The following SHTN1 variants were observed in gnomAD, a reference collection of about 807,000 sequenced individuals.
SHTN1 encodes the protein shootin 1.
SHTN1 carries 42 observed loss-of-function variants against 83.1 expected under a neutral mutation model. The observed-to-expected ratio is 0.51, with a 90% confidence interval of 0.39 to 0.65. SHTN1 has a LOEUF of 0.65. SHTN1 is among the 30% of genes least tolerant of loss of function. SHTN1 has a pLI of 0.00. For synonymous variants in SHTN1, 224 were observed against 247.7 expected (o/e 0.90, Z 0.90); for missense variants, 622 against 737.8 (o/e 0.84, Z 1.82).
At chr10:116,976,593 A>T (rs575098451) in intron 2 of SHTN1, among the ~76,000 whole-genome samples, 1 of 152,332 alleles carries the variant, frequency 6.6e-6, no homozygotes, top group African/African-American at 2.4e-5. Flanking sequence ...TCAACTGGAC[A>T]AAGCTCACCC....
intron 1 of SHTN1, among the ~76,000 whole-genome samples, chr10:117,092,808 G>C (rs775479449): frequency 6.6e-6 from 1 of 152,196 alleles, no homozygotes; most frequent in Non-Finnish European, 1.5e-5. Flanking sequence ...AGATAAGGGA[G>C]AGACTGAGGC....
chr10:117,081,765 A>AG (rs1174719638), intron 1 of SHTN1, among the ~76,000 whole-genome samples: 51 of 149,086 alleles, frequency 3.4e-4, no homozygotes, highest in Non-Finnish European at 6.5e-4. Context: ...TAGTCTTGGG[A>AG]GAGTGTATGT....
intron 1 of SHTN1, among the ~76,000 whole-genome samples, chr10:117,097,054 C>CACAG (rs1853514151): frequency 6.6e-6 from 1 of 152,076 alleles, no homozygotes; most frequent in East Asian, 1.9e-4. Context: ...CACACACACA[C>CACAG]ACACACACAA....
chr10:117,098,823 G>A (rs1337219799), intron 1 of SHTN1, among the ~76,000 whole-genome samples: 4 of 152,104 alleles, frequency 2.6e-5, no homozygotes, highest in Non-Finnish European at 5.9e-5. Context: ...CACAATTTGT[G>A]TTCCATCACG....
intron 1 of SHTN1, among the ~76,000 whole-genome samples, chr10:117,091,045 C>G (rs1312829835): frequency 1.3e-5 from 2 of 152,134 alleles, no homozygotes; most frequent in Admixed American, 1.3e-4. Flanking sequence ...AAATTATCCT[C>G]TGGAAGAGAA....
intron 2 of SHTN1, among the ~76,000 whole-genome samples, chr10:117,047,190 G>C (rs1167176652): frequency 6.6e-6 from 1 of 152,060 alleles, no homozygotes; most frequent in African/African-American, 2.4e-5. Context: ...TTAGCTTCCT[G>C]AGTAGCTGGG....
chr10:116,988,379 C>G (rs1589873010), intron 1 of SHTN1, among the ~76,000 whole-genome samples: 1 of 151,534 alleles, frequency 6.6e-6, no homozygotes, highest in East Asian at 1.9e-4. Flanking sequence ...GGAATCAAGC[C>G]TAAAGGATCT....
chr10:117,016,569 G>A (rs1185481939), intron 2 of SHTN1, among the ~76,000 whole-genome samples: 2 of 152,084 alleles, frequency 1.3e-5, no homozygotes, highest in Non-Finnish European at 1.5e-5. Flanking sequence ...ACCACGCCCG[G>A]CTACTTTTTG....
intron 1 of SHTN1, among the ~76,000 whole-genome samples, chr10:117,050,398 G>C (rs10787746): frequency 0.65 from 98,900 of 151,988 alleles, 35,999 homozygotes; most frequent in Middle Eastern, 0.84. Flanking sequence ...GAAATTCTTT[G>C]AGATGAATGA....
intron 1 of SHTN1, among the ~76,000 whole-genome samples, chr10:117,097,969 A>G (rs1427514104): frequency 6.6e-6 from 1 of 152,066 alleles, no homozygotes; most frequent in African/African-American, 2.4e-5. Context: ...AACAGTGGCA[A>G]ATGCTTCACG....
At chr10:117,096,692 C>T (rs531352753) in intron 1 of SHTN1, among the ~76,000 whole-genome samples, 32 of 152,206 alleles carry the variant, frequency 2.1e-4, no homozygotes, top group Middle Eastern at 6.8e-3. Context: ...TACAGAAGGC[C>T]CCTATTTAAA....
chr10:116,896,768 G>C (rs1589782787), intron 16 of SHTN1, among the ~76,000 whole-genome samples: 1 of 150,324 alleles, frequency 6.7e-6, no homozygotes, highest in East Asian at 2.0e-4. Flanking sequence ...AGGTGGGAAA[G>C]ACTGCCCAAT....
chr10:117,050,882 G>T (rs540758574), intron 1 of SHTN1, among the ~76,000 whole-genome samples: 1 of 151,998 alleles, frequency 6.6e-6, no homozygotes, highest in African/African-American at 2.4e-5. Flanking sequence ...GTAAGACTTC[G>T]TCTCTACAAA....
chr10:116,952,041 C>G, intron 5 of SHTN1, 35 bp from the exon 6 acceptor site: 1 of 1,103,294 alleles, frequency 9.1e-7, no homozygotes, highest in Non-Finnish European at 1.2e-6. Context: ...TATAAATAAA[C>G]TTATTTTTAA....
rs61540184 is a variant in SHTN1 at position 116,969,323 on chromosome 10, C to A, written c.112-611G>T. On this transcript the variant is annotated intron_variant, in intron 2 of 16. Coordinates refer to ENST00000355371, the MANE Select transcript of SHTN1 (RefSeq NM_001127211.3). ...AGGCGTGGTGGTGCGCACCTGTAAT[C>A]CCAGCTACTCGGGAGGCTGAGGCAG... is the stretch of plus-strand genomic sequence containing the variant. Among the ~76,000 whole-genome samples, 289 of 152,240 alleles carry A rather than the reference C, an allele frequency of 1.9e-3. 1 individual carries two copies. The highest frequency in any genetic ancestry group is 6.7e-3 in the African/African-American group (277 of 41,550).
chr10:117,044,848 T>C (rs983034895), intron 2 of SHTN1, among the ~76,000 whole-genome samples: 1 of 152,198 alleles, frequency 6.6e-6, no homozygotes, highest in African/African-American at 2.4e-5. Flanking sequence ...ATGAAAGTCC[T>C]AATTTTGGCA....
chr10:116,967,955 A>G (rs75837303), intron 3 of SHTN1, among the ~76,000 whole-genome samples: 9,281 of 152,222 alleles, frequency 0.061, 906 homozygotes, highest in African/African-American at 0.2. Flanking sequence ...AGGCCAAGGC[A>G]GGAGGATCAC....
intron 9 of SHTN1, among the ~76,000 whole-genome samples, chr10:116,934,328 G>A (rs936888849): frequency 1.3e-5 from 2 of 152,214 alleles, no homozygotes; most frequent in Admixed American, 1.3e-4. Flanking sequence ...TCCACCTTGA[G>A]TTAATTTTTG....
chr10:117,035,991 T>A (rs1053642189), intron 2 of SHTN1, among the ~76,000 whole-genome samples: 2 of 149,980 alleles, frequency 1.3e-5, no homozygotes, highest in African/African-American at 2.4e-5. Context: ...AATCGACATT[T>A]CTCAGAAGAA....
Sources: gnomAD v4.1 joint callset for allele counts (sites outside exome capture counted in the v4.1 genomes callset) on GRCh38, gnomAD v4.1.1 for gene constraint, MANE v1.5 for transcripts, NCBI Gene and HGNC (gene_info 2026-07-23, HGNC 2026-07-21) for gene names.